Variants in HOMER2 observed in about 807,000 individuals in gnomAD.
HOMER2 encodes homer protein homolog 2.
HOMER2 carries 27 observed loss-of-function variants against 47.0 expected under a neutral mutation model. That is an observed-to-expected ratio of 0.57 (90% CI 0.42 to 0.79). HOMER2 has a LOEUF of 0.79. HOMER2 is among the 30% of genes least tolerant of loss of function. The pLI is 0.00. For missense variants in HOMER2, 443 were observed against 435.0 expected (o/e 1.02, Z -0.16); for synonymous variants, 161 against 163.8 (o/e 0.98, Z 0.13).
intron 5 of HOMER2, among the ~76,000 whole-genome samples, chr15:82,855,291 A>ACT (rs1472128641): frequency 3.2e-5 from 4 of 124,804 alleles, no homozygotes; most frequent in Non-Finnish European, 6.2e-5. Context: ...ACGCCACTGC[A>ACT]CTCCGGCCTG....
chr15:82,878,187 T>C (rs532783186), intron 2 of HOMER2, among the ~76,000 whole-genome samples: 69 of 152,274 alleles, frequency 4.5e-4, no homozygotes, highest in African/African-American at 1.6e-3. Flanking sequence ...TGAAAGGCAG[T>C]GGAAAGAGGC....
At chr15:82,935,977 G>C (rs964944459) in intron 1 of HOMER2, among the ~76,000 whole-genome samples, 1 of 152,150 alleles carries the variant, frequency 6.6e-6, no homozygotes, top group Non-Finnish European at 1.5e-5. Context: ...CACTTTTATT[G>C]AATCATACTG....
chr15:82,860,691 C>T (rs2051743926), intron 4 of HOMER2, among the ~76,000 whole-genome samples: 1 of 152,028 alleles, frequency 6.6e-6, no homozygotes, highest in African/African-American at 2.4e-5. Context: ...AATCCCAGCA[C>T]TTTGGGAGGC....
chr15:82,957,795 T>G (rs759268538), downstream of HOMER2, among the ~76,000 whole-genome samples: 1 of 152,188 alleles, frequency 6.6e-6, no homozygotes, highest in Non-Finnish European at 1.5e-5. Context: ...TAAGTCTATG[T>G]GTCCTGGATG....
At chr15:82,963,862 C>T (rs1412795146) in intron 1 of HOMER2, among the ~76,000 whole-genome samples, 1 of 152,196 alleles carries the variant, frequency 6.6e-6, no homozygotes, top group Non-Finnish European at 1.5e-5. Context: ...CCTCCTCCAA[C>T]ATCCTCCATG....
At chr15:82,897,537 A>T (rs1026044309) in intron 1 of HOMER2, among the ~76,000 whole-genome samples, 3 of 152,092 alleles carry the variant, frequency 2.0e-5, no homozygotes, top group African/African-American at 7.2e-5. Flanking sequence ...TGTGGGTGAG[A>T]CCTGTGACTT....
intron 1 of HOMER2, among the ~76,000 whole-genome samples, chr15:82,963,118 G>A (rs1282743547): frequency 6.6e-6 from 1 of 152,132 alleles, no homozygotes; most frequent in Non-Finnish European, 1.5e-5. Context: ...TCTTCTTGTT[G>A]TTGTTGCCCA....
chr15:82,961,517 A>G (rs2054630244), intron 1 of HOMER2, among the ~76,000 whole-genome samples: 1 of 152,224 alleles, frequency 6.6e-6, no homozygotes, highest in Non-Finnish European at 1.5e-5. Context: ...AATCTACTTT[A>G]CTCAAGTATC....
intron 1 of HOMER2, among the ~76,000 whole-genome samples, chr15:82,925,275 T>C (rs1199589395): frequency 6.6e-6 from 1 of 152,164 alleles, no homozygotes. Flanking sequence ...GTTTAGACCA[T>C]GTTCATCAAC....
intron 1 of HOMER2, among the ~76,000 whole-genome samples, chr15:82,910,616 G>A (rs912558662): frequency 6.6e-6 from 1 of 152,176 alleles, no homozygotes; most frequent in African/African-American, 2.4e-5. Flanking sequence ...AAAGAAATCT[G>A]GAACCAGATG....
At chr15:82,952,504 G>A in intron 1 of HOMER2, 27 bp downstream of exon 1, 1 of 1,186,044 alleles carries the variant, frequency 8.4e-7, no homozygotes, top group Non-Finnish European at 1.0e-6. Context: ...GGGGCGCGCG[G>A]AGAGCGCGCG....
intron 2 of HOMER2, among the ~76,000 whole-genome samples, chr15:82,890,950 A>C (rs1391905992): frequency 6.6e-6 from 1 of 152,168 alleles, no homozygotes; most frequent in African/African-American, 2.4e-5. Flanking sequence ...GGAAAAAAAT[A>C]AAGGCACCTT....
chr15:82,882,619 T>G (rs2052559706), intron 2 of HOMER2, among the ~76,000 whole-genome samples: 1 of 152,232 alleles, frequency 6.6e-6, no homozygotes, highest in Admixed American at 6.5e-5. Flanking sequence ...AGTACAGATC[T>G]TCCTGAGATG....
chr15:82,959,619 G>A (rs1474294654), intron 1 of HOMER2, among the ~76,000 whole-genome samples: 1 of 152,164 alleles, frequency 6.6e-6, no homozygotes, highest in African/African-American at 2.4e-5. Context: ...CAAAATACCA[G>A]TGCCAGGGCC....
chr15:82,916,601 G>A (rs1304569401), intron 1 of HOMER2, among the ~76,000 whole-genome samples: 4 of 152,164 alleles, frequency 2.6e-5, no homozygotes, highest in Admixed American at 1.3e-4. Context: ...TGCAGACCCC[G>A]CTGGACCAAA....
intron 1 of HOMER2, among the ~76,000 whole-genome samples, chr15:82,968,642 C>A (rs2054697839): frequency 6.6e-6 from 1 of 152,134 alleles, no homozygotes; most frequent in South Asian, 2.1e-4. Context: ...CAGAGATCAC[C>A]CTATAACAGA....
At chr15:82,985,692 T>C (rs2030570408) in intron 1 of HOMER2, 1 of 152,220 alleles carries the variant, frequency 6.6e-6, no homozygotes, top group African/African-American at 2.4e-5. Context: ...GCAAGACTCT[T>C]GGAAGTAGCT....
rs2054536101 is a variant in HOMER2, at chr15:82,952,711, C to T, written c.-176G>A. ...CCACTGCTGCCACTGCCGCCACCGCCGCCAGGCGCGGGCGGGCGGGGGCTG... is the reference window on the plus strand; with the variant it reads ...CCACTGCTGCCACTGCCGCCACCGCTGCCAGGCGCGGGCGGGCGGGGGCTG... On this transcript the variant is annotated 5_prime_UTR_variant, in exon 1 of 9. Coordinates refer to ENST00000450735, the MANE Select transcript of HOMER2 (RefSeq NM_004839.4). The T allele has an allele frequency of 1.0e-6, 1 of 982,864 alleles. No homozygotes were observed. The highest frequency in any genetic ancestry group is 4.7e-5 in the South Asian group (1 of 21,446). The allele number at this position is 982,864 out of a possible 1,614,324, so 60.9% of individuals were successfully genotyped here. A position where few individuals can be genotyped will look rare whatever the true frequency, so the allele number is the denominator to read the frequency against.
intron 1 of HOMER2, among the ~76,000 whole-genome samples, chr15:82,971,437 G>C (rs1017891846): frequency 1.0e-4 from 15 of 149,180 alleles, no homozygotes; most frequent in South Asian, 6.2e-4. Context: ...CACACACACA[G>C]ACACAGAGAA....
Sources: allele counts gnomAD v4.1 joint callset (sites outside exome capture counted in the v4.1 genomes callset), GRCh38; gene constraint gnomAD v4.1.1; transcripts MANE v1.5; gene names NCBI Gene and HGNC (gene_info 2026-07-23, HGNC 2026-07-21).